Variants in ARHGEF28 observed in about 807,000 individuals in gnomAD.
The protein encoded by ARHGEF28 is 190 kDa guanine nucleotide exchange factor.
Under a neutral mutation model 206.6 loss-of-function variants are expected in ARHGEF28, and 152 were observed. The ratio of observed to expected loss-of-function variants is 0.74; its 90% confidence interval spans 0.64 to 0.84. ARHGEF28 has a LOEUF of 0.84. ARHGEF28 is among the 40% of genes least tolerant of loss of function. ARHGEF28 has a pLI of 0.00. For synonymous variants in ARHGEF28, 763 were observed against 776.4 expected (o/e 0.98, Z 0.29); for missense variants, 2,028 against 2,073.2 (o/e 0.98, Z 0.42).
intron 35 of ARHGEF28, among the ~76,000 whole-genome samples, chr5:73,912,092 T>A (rs374257277): frequency 7.0e-4 from 107 of 152,074 alleles, no homozygotes; most frequent in African/African-American, 2.5e-3. Context: ...AAAAGTGTTG[T>A]CTCTCCATAA....
intron 1 of ARHGEF28, among the ~76,000 whole-genome samples, chr5:73,656,146 A>G (rs1745183761): frequency 6.6e-6 from 1 of 152,156 alleles, no homozygotes; most frequent in Admixed American, 6.5e-5. Context: ...TCAGATTTCA[A>G]CATCCTTAAG....
chr5:73,807,035 G>T (rs1318453150), intron 9 of ARHGEF28, among the ~76,000 whole-genome samples: 1 of 128,250 alleles, frequency 7.8e-6, no homozygotes, highest in Non-Finnish European at 1.7e-5. Flanking sequence ...GCATGTAAGA[G>T]GTTTTTTTTT....
At chr5:73,861,873 GA>G (rs1759425854) in intron 16 of ARHGEF28, among the ~76,000 whole-genome samples, 1 of 152,102 alleles carries the variant, frequency 6.6e-6, no homozygotes, top group Non-Finnish European at 1.5e-5. Context: ...GGCGGGGGGA[GA>G]GGGTGGTTTA....
chr5:73,877,472 T>A (rs1179465866), intron 22 of ARHGEF28, among the ~76,000 whole-genome samples: 1 of 141,928 alleles, frequency 7.0e-6, no homozygotes, highest in Non-Finnish European at 1.5e-5. Context: ...AGCTTTTGAA[T>A]GTGTTTGCTC....
At chr5:73,939,066 CACAAAG>C in intron 35 of ARHGEF28, among the ~76,000 whole-genome samples, 4 of 151,780 alleles carry the variant, frequency 2.6e-5, no homozygotes, top group Admixed American at 2.6e-4. Flanking sequence ...CCATTTTCAG[CACAAAG>C]AGAAATGAGA....
intron 2 of ARHGEF28, among the ~76,000 whole-genome samples, chr5:73,710,174 A>G (rs1336118625): frequency 6.6e-6 from 1 of 152,230 alleles, no homozygotes; most frequent in East Asian, 1.9e-4. Flanking sequence ...TCCACCAGAA[A>G]CATGAGTGTT....
intron 22 of ARHGEF28, among the ~76,000 whole-genome samples, chr5:73,877,849 G>A (rs1021918055): frequency 1.3e-5 from 2 of 152,122 alleles, no homozygotes; most frequent in Admixed American, 6.5e-5. Context: ...CAACTGTGTG[G>A]CCAATTTTGG....
At position 73,909,609 on chromosome 5, in the gene ARHGEF28, C is replaced by G; in HGVS notation, c.4359C>G (p.Arg1453=). The change falls in exon 34 of 36, where the codon CGC becomes CGG. Residue 1453 remains arginine, a synonymous_variant. Coordinates refer to ENST00000513042, the MANE Select transcript of ARHGEF28 (RefSeq NM_001177693.2). The stretch of plus-strand genomic sequence containing the variant: ...ACCAGCTCCAGCAGGAGCAGCGGCG[C>G]TGGCTGCGCAGGTGTGAGCAGCAGC... ...LQHQLQQEQR[R]WLRRCEQQQR... 1 of 1,553,328 alleles carries G rather than the reference C, an allele frequency of 6.4e-7. No individual in the cohort carries two copies. Among genetic ancestry groups the G allele is most frequent in the South Asian group, 1.2e-5 (1 of 84,426 alleles).
At chr5:73,756,846 T>C (rs1240208398) in intron 4 of ARHGEF28, among the ~76,000 whole-genome samples, 3 of 152,222 alleles carry the variant, frequency 2.0e-5, no homozygotes, top group Non-Finnish European at 2.9e-5. Flanking sequence ...ACGTGGAGTT[T>C]TTATTGTATT....
chr5:73,726,590 A>G (rs1256972445), intron 2 of ARHGEF28, among the ~76,000 whole-genome samples: 2 of 152,252 alleles, frequency 1.3e-5, no homozygotes, highest in African/African-American at 4.8e-5. Flanking sequence ...CGATGAACTT[A>G]CTAAGCACAG....
Position 73,675,920 on chromosome 5 carries a change from G to A in ARHGEF28, c.-11-8921G>A, listed in dbSNP as rs369023460. ...TATGCAAATTATATTTTTCAATTTTGTGGTAATTCTAGGAATGGATAGAAC... is the reference window on the plus strand; with the variant it reads ...TATGCAAATTATATTTTTCAATTTTATGGTAATTCTAGGAATGGATAGAAC... On this transcript the variant is annotated intron_variant, in intron 1 of 35. Coordinates refer to ENST00000513042, the MANE Select transcript of ARHGEF28 (RefSeq NM_001177693.2). Among the ~76,000 whole-genome samples the A allele has an allele frequency of 2.0e-5, 3 of 151,838 alleles. No individual in the cohort carries two copies. The East Asian group carries it at 5.8e-4, about 29-fold the overall frequency.
At chr5:73,714,345 T>G (rs1245962821) in intron 2 of ARHGEF28, among the ~76,000 whole-genome samples, 1 of 152,078 alleles carries the variant, frequency 6.6e-6, no homozygotes, top group Non-Finnish European at 1.5e-5. Flanking sequence ...TGTTGGAACT[T>G]TTTCGAGTTT....
At chr5:73,784,787 T>G (rs554655435) in intron 7 of ARHGEF28, among the ~76,000 whole-genome samples, 1 of 152,278 alleles carries the variant, frequency 6.6e-6, no homozygotes, top group East Asian at 1.9e-4. Flanking sequence ...TTAGGCATAG[T>G]AAAGGTTAAC....
intron 11 of ARHGEF28, among the ~76,000 whole-genome samples, chr5:73,842,561 G>A (rs1349915259): frequency 6.6e-6 from 1 of 152,186 alleles, no homozygotes; most frequent in Non-Finnish European, 1.5e-5. Flanking sequence ...TGAAGTGATA[G>A]GCTAATTTGA....
chr5:73,637,029 G>T (rs991873121), intron 1 of ARHGEF28, among the ~76,000 whole-genome samples: 1 of 152,172 alleles, frequency 6.6e-6, no homozygotes, highest in African/African-American at 2.4e-5. Flanking sequence ...TGTCATGGCA[G>T]CTCATGTTAT....
chr5:73,793,465 C>A (rs1269265983), intron 7 of ARHGEF28, among the ~76,000 whole-genome samples: 1 of 152,140 alleles, frequency 6.6e-6, no homozygotes, highest in African/African-American at 2.4e-5. Context: ...ATAGGAGTGA[C>A]AAAACGGAAT....
chr5:73,859,967 T>C (rs1759290306), intron 16 of ARHGEF28, among the ~76,000 whole-genome samples: 1 of 152,254 alleles, frequency 6.6e-6, no homozygotes, highest in South Asian at 2.1e-4. Flanking sequence ...GAAGTTCTGC[T>C]TTTGATGGAA....
At chr5:73,637,760 T>C (rs1010778638) in intron 1 of ARHGEF28, among the ~76,000 whole-genome samples, 1 of 152,208 alleles carries the variant, frequency 6.6e-6, no homozygotes, top group African/African-American at 2.4e-5. Flanking sequence ...ATAAGAAGCT[T>C]AGAGGTAGCT....
At position 73,936,012 on chromosome 5, in the gene ARHGEF28, C is replaced by T. The variant is rs111611257; in HGVS notation, c.4949-4832C>T. Among the ~76,000 whole-genome samples, 446 of 152,284 alleles carry T rather than the reference C, an allele frequency of 2.9e-3. 3 individuals are homozygous for T. The highest frequency in any genetic ancestry group is 0.01 in the Middle Eastern group (3 of 294). ...CTGGTGAGCTAAATTCAGACCTTGACAGTGGATGTTTATGAGGAAAGAGAT... is the reference window on the plus strand; with the variant it reads ...CTGGTGAGCTAAATTCAGACCTTGATAGTGGATGTTTATGAGGAAAGAGAT... On this transcript the variant is annotated intron_variant, in intron 35 of 35. Transcript: ENST00000513042.
Sources: gnomAD v4.1 joint callset for allele counts (sites outside exome capture counted in the v4.1 genomes callset) on GRCh38, gnomAD v4.1.1 for gene constraint, MANE v1.5 for transcripts, NCBI Gene and HGNC (gene_info 2026-07-23, HGNC 2026-07-21) for gene names.